The following PLA2G4E variants were observed in gnomAD, a reference collection of about 807,000 sequenced individuals.
The protein encoded by PLA2G4E is cytosolic phospholipase A2 epsilon.
Under a neutral mutation model 109.1 loss-of-function variants are expected in PLA2G4E, and 84 were observed. The observed-to-expected ratio is 0.77, with a 90% CI of 0.65 to 0.92. PLA2G4E has a LOEUF of 0.92. Among genes scored for constraint, PLA2G4E ranks in the 40% least tolerant of loss-of-function variants. The pLI, the probability that PLA2G4E is intolerant of heterozygous loss-of-function variation, is 0.00. For synonymous variants in PLA2G4E, 469 were observed against 436.1 expected (o/e 1.08, Z -0.94); for missense variants, 1,057 against 1,076.6 (o/e 0.98, Z 0.25).
At position 42,000,289 on chromosome 15, in the gene PLA2G4E, G is replaced by A. The variant is rs2068403628; in HGVS notation, c.674-7C>T. The A allele has an allele frequency of 6.4e-7, 1 of 1,557,856 alleles. No homozygotes were observed. Among genetic ancestry groups the A allele is most frequent in the African/African-American group, 1.4e-5 (1 of 73,478 alleles). ...ATCACCAGGAGGTCCTTCACTGGGA[G>A]AGAGGACAAGAGGGTGAGACCCTGG... On this transcript the variant is annotated splice_region_variant and splice_polypyrimidine_tract_variant and intron_variant, in intron 7 of 19. Transcript: ENST00000399518.
chr15:42,033,677 A>G lies in PLA2G4E; in HGVS notation c.183+16844T>C, dbSNP rs979733830. Among the ~76,000 whole-genome samples the G allele has an allele frequency of 8.5e-5, 13 of 152,308 alleles. 1 individual carries two copies. Among genetic ancestry groups the G allele is most frequent in the Admixed American group, 7.8e-4 (12 of 15,306 alleles). On this transcript the variant is annotated intron_variant, in intron 1 of 19. Coordinates refer to ENST00000399518, the Ensembl canonical transcript of PLA2G4E. The stretch of plus-strand genomic sequence containing the variant: ...CTGGGTGAGGCTGAACACATGGATG[A>G]TCAAGCACCAAAGGCAGAAGAGGGT...
intron 1 of PLA2G4E, among the ~76,000 whole-genome samples, chr15:42,018,410 C>T (rs1416601280): frequency 6.6e-6 from 1 of 152,132 alleles, no homozygotes; most frequent in African/African-American, 2.4e-5. Context: ...GATTGGGTAT[C>T]AGGGTGAAGA....
At chr15:42,020,553 T>G (rs1051724171) in intron 1 of PLA2G4E, among the ~76,000 whole-genome samples, 1 of 152,260 alleles carries the variant, frequency 6.6e-6, no homozygotes, top group Non-Finnish European at 1.5e-5. Flanking sequence ...TTGCACAGCA[T>G]AGAAGCTTAG....
chr15:41,984,420 CA>C lies in PLA2G4E; in HGVS notation c.2386+15del. The C allele has an allele frequency of 6.2e-7, 1 of 1,603,770 alleles. No homozygotes were observed. On this transcript the variant is annotated intron_variant, in intron 19 of 19. Coordinates refer to ENST00000399518, the Ensembl canonical transcript of PLA2G4E. ...AGGGCAGCAGGTGCTGGGAACTGAG[CA>C]CAGAGGCAGCTCACCTGGTGCCTTG...
At chr15:41,989,534 G>A in exon 15 of PLA2G4E, 1 of 1,613,716 alleles carries the variant, frequency 6.2e-7, no homozygotes, top group Non-Finnish European at 8.5e-7. Flanking sequence ...CACCTCGTAG[G>A]GGGAGAACTC....
At chr15:42,036,467 A>G (rs554234645) in intron 1 of PLA2G4E, among the ~76,000 whole-genome samples, 19 of 152,202 alleles carry the variant, frequency 1.2e-4, no homozygotes, top group African/African-American at 4.6e-4. Context: ...CGGGGCAGCC[A>G]TTGCTGCCAT....
intron 1 of PLA2G4E, among the ~76,000 whole-genome samples, chr15:42,017,688 C>G (rs2068609512): frequency 6.6e-6 from 1 of 152,212 alleles, no homozygotes; most frequent in Non-Finnish European, 1.5e-5. Context: ...TGCTTTTCTT[C>G]TCTTTAAAAC....
intron 1 of PLA2G4E, among the ~76,000 whole-genome samples, chr15:42,036,681 G>A (rs1035911419): frequency 7.9e-5 from 12 of 152,182 alleles, no homozygotes; most frequent in Non-Finnish European, 1.8e-4. Context: ...TGTCGCCCCT[G>A]CCCTGGACAC....
intron 2 of PLA2G4E, chr15:42,009,921 T>G (rs1704369): frequency 1.1e-5 from 2 of 179,750 alleles, no homozygotes; most frequent in Admixed American, 6.0e-5. Context: ...GAGTCCTCTG[T>G]TCCTCTCCTG....
chr15:42,048,614 G>A (rs1327910200), intron 1 of PLA2G4E, among the ~76,000 whole-genome samples: 1 of 152,196 alleles, frequency 6.6e-6, no homozygotes, highest in Non-Finnish European at 1.5e-5. Context: ...GCGGAGGGGA[G>A]AAATCACGGT....
chr15:41,984,346 C>G (rs1783523685), intron 19 of PLA2G4E, 90 bp downstream of exon 19: 2 of 1,374,092 alleles, frequency 1.5e-6, no homozygotes, highest in African/African-American at 2.9e-5. Context: ...CCAGGCTTCC[C>G]CGTTAGTGCC....
chr15:41,987,785 C>T (rs961297162), intron 16 of PLA2G4E, among the ~76,000 whole-genome samples: 6 of 152,272 alleles, frequency 3.9e-5, no homozygotes, highest in African/African-American at 7.2e-5. Context: ...TGCCCTCCCA[C>T]GTCTTAGGCC....
chr15:41,988,569 C>T lies in PLA2G4E; in HGVS notation c.1724-413G>A, dbSNP rs141233250. Among the ~76,000 whole-genome samples the T allele has an allele frequency of 5.1e-3, 783 of 152,290 alleles. 27 individuals carry two copies. Among genetic ancestry groups the T allele is most frequent in the Admixed American group, 0.044 (678 of 15,300 alleles). On this transcript the variant is annotated intron_variant, in intron 15 of 19. Coordinates refer to ENST00000399518, the Ensembl canonical transcript of PLA2G4E. The stretch of plus-strand genomic sequence containing the variant: ...ATGATTTTTAAATGTAGGCATTAGA[C>T]ATTGACCCATTTGGAATCTCTATAA...
chr15:42,010,679 C>T (rs1200974666), intron 2 of PLA2G4E, among the ~76,000 whole-genome samples: 1 of 152,154 alleles, frequency 6.6e-6, no homozygotes, highest in Non-Finnish European at 1.5e-5. Flanking sequence ...ATGTTCAGAA[C>T]TTTGTCTCTC....
chr15:41,990,057 G>A (rs1328688151), intron 14 of PLA2G4E, 64 bp downstream of exon 14: 12 of 1,282,342 alleles, frequency 9.4e-6, no homozygotes, highest in East Asian at 2.3e-5. Context: ...GGTGCTGGGT[G>A]CTTTTGCCCA....
chr15:42,012,700 A>G (rs545538406), intron 2 of PLA2G4E, among the ~76,000 whole-genome samples: 118 of 152,268 alleles, frequency 7.7e-4, no homozygotes, highest in African/African-American at 2.7e-3. Flanking sequence ...ACAAGATGGG[A>G]ACGTTGTTAT....
chr15:42,009,503 C>T (rs1177502423), intron 2 of PLA2G4E, among the ~76,000 whole-genome samples: 5 of 152,180 alleles, frequency 3.3e-5, no homozygotes, highest in African/African-American at 4.8e-5. Flanking sequence ...TTCCCCAGTT[C>T]GAGATCCTCC....
intron 9 of PLA2G4E, 53 bp downstream of exon 9, chr15:41,999,864 C>A: frequency 6.6e-7 from 1 of 1,517,944 alleles, no homozygotes; most frequent in Non-Finnish European, 9.0e-7. Context: ...CTCCCTACCA[C>A]AGGAGCTCCA....
At chr15:42,031,973 T>G (rs915942356) in intron 1 of PLA2G4E, among the ~76,000 whole-genome samples, 9 of 152,194 alleles carry the variant, frequency 5.9e-5, no homozygotes, top group African/African-American at 2.2e-4. Context: ...GGATTTCTCA[T>G]GAATGGCTTG....
Sources: allele counts gnomAD v4.1 joint callset (sites outside exome capture counted in the v4.1 genomes callset), GRCh38; gene constraint gnomAD v4.1.1; transcripts MANE v1.5; gene names NCBI Gene and HGNC (gene_info 2026-07-23, HGNC 2026-07-21).